Variants in KIRREL3 observed in about 807,000 individuals in gnomAD.
The protein encoded by KIRREL3 is kin of IRRE-like protein 3.
A neutral mutation model predicts 89.7 loss-of-function variants in KIRREL3; 36 were observed. The observed-to-expected ratio is 0.40, with a 90% confidence interval of 0.31 to 0.53. The LOEUF (loss-of-function observed/expected upper bound fraction) is 0.53, where lower values mean the gene tolerates loss of function less well. Among genes scored for constraint, KIRREL3 ranks in the 20% least tolerant of loss-of-function variants. KIRREL3 has a pLI of 0.49. For missense variants in KIRREL3, 864 were observed against 1,056.6 expected (o/e 0.82, Z 2.53); for synonymous variants, 445 against 441.4 (o/e 1.01, Z -0.10).
rs148123390 is a variant in KIRREL3 at position 126,889,379 on chromosome 11, A to G, written c.55+111076T>C. 4.1e-3 allele frequency among the ~76,000 whole-genome samples: 631 copies of G among 152,334 alleles called. 1 individual carries two copies. Among genetic ancestry groups the G allele is most frequent in the African/African-American group, 0.013 (537 of 41,572 alleles). On this transcript the variant is annotated intron_variant, in intron 1 of 16. Transcript: ENST00000525144. ...TGGCATAATTACATTGACATTCGTC[A>G]TCATTACTGCGTGATCAGTAGTCCA...
chr11:126,522,589 C>T lies in KIRREL3; in HGVS notation c.284-1125G>A, dbSNP rs575375612. Among the ~76,000 whole-genome samples the T allele has an allele frequency of 1.2e-3, 189 of 152,356 alleles. 2 individuals are homozygous for T. The highest frequency in any genetic ancestry group is 4.1e-3 in the African/African-American group (169 of 41,590). ...TTTGAGAATATAAATCATTAATCAGCGTTCCTGCTGCTGTGTAGGGTTGAA... is the reference window on the plus strand; with the variant it reads ...TTTGAGAATATAAATCATTAATCAGTGTTCCTGCTGCTGTGTAGGGTTGAA... On this transcript the variant is annotated intron_variant, in intron 3 of 16. Transcript: ENST00000525144. The surrounding 1 kb of genome is among the most constrained non-coding windows in gnomAD (Gnocchi z 6.0).
At chr11:126,856,583 ATATATATATATATG>A (rs1944520771) in intron 1 of KIRREL3, among the ~76,000 whole-genome samples, 1 of 134,794 alleles carries the variant, frequency 7.4e-6, no homozygotes, top group Non-Finnish European at 1.6e-5. Context: ...ATATATATAT[ATATATATATATATG>A]TATATATACA....
chr11:126,910,149 C>G (rs986398040), intron 1 of KIRREL3, among the ~76,000 whole-genome samples: 2 of 152,126 alleles, frequency 1.3e-5, no homozygotes, highest in Non-Finnish European at 2.9e-5. Context: ...ACACACAGCT[C>G]AATCTTCTAC....
chr11:126,668,359 C>T lies in KIRREL3; in HGVS notation c.56-105447G>A, dbSNP rs1029294807. On this transcript the variant is annotated intron_variant, in intron 1 of 16. Transcript: ENST00000525144. This position sits in a 1 kb window ranked among gnomAD's most constrained non-coding sequence, Gnocchi z 4.4. Reference sequence around the variant, plus strand: ...TCCCAAAGGCCTCACCTCCTAATACCGTAGCCTTGGAGGTGAGAATTTTAG... The same window carrying T: ...TCCCAAAGGCCTCACCTCCTAATACTGTAGCCTTGGAGGTGAGAATTTTAG... Among the ~76,000 whole-genome samples, 2 of 152,262 alleles carry T rather than the reference C, an allele frequency of 1.3e-5. No individual in the cohort carries two copies. Among genetic ancestry groups the T allele is most frequent in the Admixed American group, 6.5e-5 (1 of 15,294 alleles).
At chr11:126,861,715 T>A (rs2134618219) in intron 1 of KIRREL3, among the ~76,000 whole-genome samples, 1 of 152,342 alleles carries the variant, frequency 6.6e-6, no homozygotes, top group Non-Finnish European at 1.5e-5. Flanking sequence ...GCTGGTATAT[T>A]CACGTTTTAT....
At chr11:126,828,844 T>C (rs747547211) in intron 1 of KIRREL3, among the ~76,000 whole-genome samples, 4 of 152,178 alleles carry the variant, frequency 2.6e-5, no homozygotes, top group African/African-American at 4.8e-5. Context: ...GACTGAGCAG[T>C]TGGGTTCCCC....
intron 1 of KIRREL3, among the ~76,000 whole-genome samples, chr11:126,725,353 G>A (rs910312343): frequency 2.6e-5 from 4 of 151,904 alleles, no homozygotes; most frequent in East Asian, 1.9e-4. Flanking sequence ...GCAAAAAAAA[G>A]GGTTCATTTC....
chr11:126,779,369 TTC>T lies in KIRREL3; in HGVS notation c.56-216459_56-216458del, dbSNP rs2134323142. ...TTCCTCTGTGACCCAGCACAGGGCA[TTC>T]TCTCTCCCTGAAACCTGTTGTCTCC... On this transcript the variant is annotated intron_variant, in intron 1 of 16. Coordinates refer to ENST00000525144, the MANE Select transcript of KIRREL3 (RefSeq NM_032531.4). Among the ~76,000 whole-genome samples, 3 of 152,260 alleles carry T rather than the reference TTC, an allele frequency of 2.0e-5. No individual in the cohort carries two copies. In the East Asian group the frequency reaches 5.8e-4, roughly 29 times the overall value.
chr11:126,899,291 C>CT (rs1186825362), intron 1 of KIRREL3, among the ~76,000 whole-genome samples: 8 of 152,128 alleles, frequency 5.3e-5, no homozygotes, highest in African/African-American at 1.9e-4. Context: ...CCTTTCACTC[C>CT]TTGTAGACAT....
chr11:126,557,832 T>C lies in KIRREL3; in HGVS notation c.133+5003A>G, dbSNP rs548236915. On this transcript the variant is annotated intron_variant, in intron 2 of 16. Transcript: ENST00000525144. The surrounding 1 kb of genome is among the most constrained non-coding windows in gnomAD (Gnocchi z 5.6). ...GCCTGGACTGGGACCACAGTGCTGTTCGGGAGCTGTGGGCCATGCAAGAGG... is the reference window on the plus strand; with the variant it reads ...GCCTGGACTGGGACCACAGTGCTGTCCGGGAGCTGTGGGCCATGCAAGAGG... Among the ~76,000 whole-genome samples, 1 of 152,164 alleles carries C rather than the reference T, an allele frequency of 6.6e-6. No individual in the cohort carries two copies. The highest frequency in any genetic ancestry group is 2.4e-5 in the African/African-American group (1 of 41,440).
rs1204296707 is a variant in KIRREL3, at chr11:126,640,126, T to C, written c.56-77214A>G. 1.3e-5 allele frequency among the ~76,000 whole-genome samples: 2 copies of C among 152,118 alleles called. No homozygotes were observed. The highest frequency in any genetic ancestry group is 1.3e-4 in the Admixed American group (2 of 15,274). On this transcript the variant is annotated intron_variant, in intron 1 of 16. Transcript: ENST00000525144. The surrounding 1 kb of genome is among the most constrained non-coding windows in gnomAD (Gnocchi z 4.9). ...CAGTACTGTTTTATTTTACCCTGCA[T>C]TGTACTAAAAAAATAAGGCATAGAA... is the stretch of plus-strand genomic sequence containing the variant.
In KIRREL3 at chr11:126,719,969, C is replaced by T. The variant is rs756012724; in HGVS notation, c.56-157057G>A. Among the ~76,000 whole-genome samples, 1 of 152,168 alleles carries T rather than the reference C, an allele frequency of 6.6e-6. No individual in the cohort carries two copies. Among genetic ancestry groups the T allele is most frequent in the East Asian group, 1.9e-4 (1 of 5,194 alleles). On this transcript the variant is annotated intron_variant, in intron 1 of 16. Coordinates refer to ENST00000525144, the MANE Select transcript of KIRREL3 (RefSeq NM_032531.4). This position sits in a 1 kb window ranked among gnomAD's most constrained non-coding sequence, Gnocchi z 4.7. ...ATGGCTTAGGGTCAGGGTGTGGTCC[C>T]TCTGCCTCTGATTTCAGCTCCTACT... is the stretch of plus-strand genomic sequence containing the variant.
rs1051571654 is a variant in KIRREL3 at position 126,429,600 on chromosome 11, A to G, written c.1697-312T>C. Among the ~76,000 whole-genome samples, 2 of 152,108 alleles carry G rather than the reference A, an allele frequency of 1.3e-5. No individual in the cohort carries two copies. The highest frequency in any genetic ancestry group is 2.4e-5 in the African/African-American group (1 of 41,424). ...TACTGAGCTAGGTCCTTTTCATCCTACTGAATTCTCACTTCCTTCTAGAAG... is the reference window on the plus strand; with the variant it reads ...TACTGAGCTAGGTCCTTTTCATCCTGCTGAATTCTCACTTCCTTCTAGAAG... On this transcript the variant is annotated intron_variant, in intron 14 of 16. Coordinates refer to ENST00000525144, the MANE Select transcript of KIRREL3 (RefSeq NM_032531.4). The surrounding 1 kb of genome is among the most constrained non-coding windows in gnomAD (Gnocchi z 5.2).
chr11:126,945,593 C>T (rs1223508384), intron 1 of KIRREL3, among the ~76,000 whole-genome samples: 12 of 152,130 alleles, frequency 7.9e-5, no homozygotes, highest in African/African-American at 2.9e-4. Flanking sequence ...GGGGAAGCTG[C>T]AAAACTACCT....
Position 126,429,621 on chromosome 11 carries a change from A to G in KIRREL3, c.1697-333T>C, listed in dbSNP as rs189566704. ...TCCTACTGAATTCTCACTTCCTTCTAGAAGTCTTCTCTGACCTGCTCTACC... is the reference window on the plus strand; with the variant it reads ...TCCTACTGAATTCTCACTTCCTTCTGGAAGTCTTCTCTGACCTGCTCTACC... On this transcript the variant is annotated intron_variant, in intron 14 of 16. Coordinates refer to ENST00000525144, the MANE Select transcript of KIRREL3 (RefSeq NM_032531.4). This position sits in a 1 kb window ranked among gnomAD's most constrained non-coding sequence, Gnocchi z 5.2. 1.9e-4 allele frequency among the ~76,000 whole-genome samples: 29 copies of G among 152,298 alleles called. No individual in the cohort carries two copies. The East Asian group carries it at 4.6e-3, about 24-fold the overall frequency.
rs559358978 is a variant in KIRREL3 at position 126,611,261 on chromosome 11, C to A, written c.56-48349G>T. Among the ~76,000 whole-genome samples the A allele has an allele frequency of 6.6e-6, 1 of 152,298 alleles. No individual in the cohort carries two copies. Among genetic ancestry groups the A allele is most frequent in the Admixed American group, 6.5e-5 (1 of 15,300 alleles). Reference sequence around the variant, plus strand: ...GCCCGGTGAATGTTAGCTGCTATTACTGTTGTTCCTACCACCGCACCCTCT... The same window carrying A: ...GCCCGGTGAATGTTAGCTGCTATTAATGTTGTTCCTACCACCGCACCCTCT... On this transcript the variant is annotated intron_variant, in intron 1 of 16. Coordinates refer to ENST00000525144, the MANE Select transcript of KIRREL3 (RefSeq NM_032531.4). The surrounding 1 kb of genome is among the most constrained non-coding windows in gnomAD (Gnocchi z 4.7).
At chr11:126,777,802 A>C (rs1410502168) in intron 1 of KIRREL3, among the ~76,000 whole-genome samples, 1 of 152,070 alleles carries the variant, frequency 6.6e-6, no homozygotes, top group African/African-American at 2.4e-5. Context: ...TGCTGTAACT[A>C]TTTATCTCTA....
chr11:126,954,871 G>C lies in KIRREL3; in HGVS notation c.55+45584C>G, dbSNP rs1019916066. Among the ~76,000 whole-genome samples, 1 of 152,160 alleles carries C rather than the reference G, an allele frequency of 6.6e-6. No individual in the cohort carries two copies. The highest frequency in any genetic ancestry group is 2.4e-5 in the African/African-American group (1 of 41,426). ...ATCATACGGCAAGCAGCAGCTCTTA[G>C]GTAATGAAAGCAGAAAGAAGACGCA... On this transcript the variant is annotated intron_variant, in intron 1 of 16. Coordinates refer to ENST00000525144, the MANE Select transcript of KIRREL3 (RefSeq NM_032531.4). The surrounding 1 kb of genome is among the most constrained non-coding windows in gnomAD (Gnocchi z 4.1).
Position 126,908,378 on chromosome 11 carries a change from T to C in KIRREL3, c.55+92077A>G, listed in dbSNP as rs1209392886. Among the ~76,000 whole-genome samples the C allele has an allele frequency of 6.6e-6, 1 of 152,218 alleles. No homozygotes were observed. Among genetic ancestry groups the C allele is most frequent in the African/African-American group, 2.4e-5 (1 of 41,446 alleles). ...AGCAAGGACTCCGAAGCAGGACTGCTTGTGTTCAAAACTGGCCTCCATCTC... is the reference window on the plus strand; with the variant it reads ...AGCAAGGACTCCGAAGCAGGACTGCCTGTGTTCAAAACTGGCCTCCATCTC... On this transcript the variant is annotated intron_variant, in intron 1 of 16. Transcript: ENST00000525144. The surrounding 1 kb of genome is among the most constrained non-coding windows in gnomAD (Gnocchi z 4.2).
Sources: allele counts gnomAD v4.1 joint callset (sites outside exome capture counted in the v4.1 genomes callset), GRCh38; gene constraint gnomAD v4.1.1; non-coding constraint Gnocchi (gnomAD v3.1); transcripts MANE v1.5; gene names NCBI Gene and HGNC (gene_info 2026-07-23, HGNC 2026-07-21).